PHF20L1: variants seen among roughly 807,000 people sequenced by gnomAD.
The protein encoded by PHF20L1 is PHD finger protein 20 like 1.
In PHF20L1, 44 loss-of-function variants were observed where a neutral mutation model predicts 125.5. That is an observed-to-expected ratio of 0.35 (90% CI 0.28 to 0.45). The LOEUF (loss-of-function observed/expected upper bound fraction) is 0.45, where lower values mean the gene tolerates loss of function less well. Among genes scored for constraint, PHF20L1 ranks in the 20% least tolerant of loss-of-function variants. PHF20L1 has a pLI of 1.00. For missense variants in PHF20L1, 1,012 were observed against 1,217.2 expected (o/e 0.83, Z 2.51); for synonymous variants, 380 against 403.1 (o/e 0.94, Z 0.69).
chr8:132,786,501 T>C (rs1044973704), intron 2 of PHF20L1, among the ~76,000 whole-genome samples: 8 of 152,118 alleles, frequency 5.3e-5, no homozygotes, highest in Non-Finnish European at 5.9e-5. Flanking sequence ...GATTTTTGTA[T>C]TGTTTTATCT....
At chr8:132,821,407 G>T (rs993517564) in intron 12 of PHF20L1, among the ~76,000 whole-genome samples, 2 of 151,944 alleles carry the variant, frequency 1.3e-5, no homozygotes, top group African/African-American at 4.8e-5. Context: ...CATCTTGTCA[G>T]TTCTACCTCA....
chr8:132,830,539 TC>T (rs1169501280), intron 14 of PHF20L1, among the ~76,000 whole-genome samples: 1 of 152,062 alleles, frequency 6.6e-6, no homozygotes, highest in Non-Finnish European at 1.5e-5. Context: ...TTTTTCCCAC[TC>T]GTTTCCATCT....
chr8:132,844,108 A>T, intron 19 of PHF20L1, 48 bp from the exon 20 acceptor site: 1 of 1,606,350 alleles, frequency 6.2e-7, no homozygotes, highest in African/African-American at 1.3e-5. Flanking sequence ...CAATGACTGC[A>T]TTTCATCCCG....
At chr8:132,777,992 T>C in intron 2 of PHF20L1, 81 bp downstream of exon 2, 1 of 847,008 alleles carries the variant, frequency 1.2e-6, no homozygotes, top group Non-Finnish European at 2.0e-6. Flanking sequence ...TAAATTCCAC[T>C]GATGGTAGCA....
In PHF20L1 at chr8:132,846,110, A is replaced by C. The variant is rs1016527432; in HGVS notation, c.*187A>C. 6 of 509,564 alleles carry C rather than the reference A, an allele frequency of 1.2e-5. No homozygotes were observed. Among genetic ancestry groups the C allele is most frequent in the Non-Finnish European group, 2.1e-5 (6 of 285,778 alleles). The allele number at this position is 509,564 out of a possible 1,614,324, so 31.6% of individuals were successfully genotyped here. ...AACTTTATCAAGGAAGCTAGTATTT[A>C]AAAACAAATTCATGAGCAAGCTGCA... On this transcript the variant is annotated 3_prime_UTR_variant, in exon 21 of 21. Coordinates refer to ENST00000395386, the MANE Select transcript of PHF20L1 (RefSeq NM_016018.5).
intron 20 of PHF20L1, 63 bp downstream of exon 20, chr8:132,844,381 T>C: frequency 3.0e-6 from 4 of 1,338,356 alleles, no homozygotes; most frequent in Non-Finnish European, 4.1e-6. Flanking sequence ...ATGAAGAAGT[T>C]ACTTAAAATT....
intron 12 of PHF20L1, chr8:132,818,315 T>G (rs1010616431): frequency 1.3e-5 from 2 of 151,938 alleles, no homozygotes; most frequent in African/African-American, 4.8e-5. Context: ...GAAGGAAGTC[T>G]GAATTTAGTT....
In PHF20L1 at chr8:132,839,384, C is replaced by T. The variant is rs1245014886; in HGVS notation, c.2192-3C>T. On this transcript the variant is annotated splice_polypyrimidine_tract_variant and splice_region_variant and intron_variant, in intron 17 of 20. Coordinates refer to ENST00000395386, the MANE Select transcript of PHF20L1 (RefSeq NM_016018.5). ...TGTGATTTAATATCAACTTCATCTG[C>T]AGGTCAGAGGTGGAGTGCAAAATAT... 1 of 1,605,100 alleles carries T rather than the reference C, an allele frequency of 6.2e-7. No individual in the cohort carries two copies. The highest frequency in any genetic ancestry group is 1.3e-5 in the African/African-American group (1 of 74,798).
intron 5 of PHF20L1, 98 bp downstream of exon 5, chr8:132,798,958 A>G: frequency 2.8e-6 from 3 of 1,059,752 alleles, no homozygotes; most frequent in Non-Finnish European, 4.2e-6. Context: ...AAAATGAACT[A>G]ATTGTAGGGT....
chr8:132,838,411 T>A (rs542853158), intron 17 of PHF20L1: 2 of 153,054 alleles, frequency 1.3e-5, no homozygotes, highest in East Asian at 3.9e-4. Flanking sequence ...CTACCTGTGA[T>A]GCCTTTATTT....
chr8:132,836,194 T>TTTA (rs1463955111), intron 15 of PHF20L1, among the ~76,000 whole-genome samples: 4 of 152,068 alleles, frequency 2.6e-5, no homozygotes, highest in Admixed American at 2.6e-4. Flanking sequence ...ACACAGGGTT[T>TTTA]TTATGAGGGT....
At chr8:132,809,469 A>G (rs1051427603) in intron 8 of PHF20L1, 3 of 152,102 alleles carry the variant, frequency 2.0e-5, no homozygotes, top group African/African-American at 4.8e-5. Flanking sequence ...GCTGGGCCCA[A>G]GAATATAATT....
Position 132,811,144 on chromosome 8 carries a change from A to C in PHF20L1, c.930+16A>C. The C allele has an allele frequency of 6.2e-7, 1 of 1,611,920 alleles. No individual in the cohort carries two copies. Among genetic ancestry groups the C allele is most frequent in the Non-Finnish European group, 8.5e-7 (1 of 1,178,240 alleles). On this transcript the variant is annotated intron_variant, in intron 9 of 20. Coordinates refer to ENST00000395386, the MANE Select transcript of PHF20L1 (RefSeq NM_016018.5). ...GCTGGAGCAGGTATGAAATGGTAGC[A>C]TTTGATTTTTTTCAAGGTTCCCACT...
chr8:132,824,125 C>A, intron 13 of PHF20L1, 65 bp downstream of exon 13: 1 of 973,148 alleles, frequency 1.0e-6, no homozygotes, highest in South Asian at 1.4e-5. Context: ...AGGACATAGT[C>A]TGCCCCTTAC....
intron 12 of PHF20L1, among the ~76,000 whole-genome samples, chr8:132,823,734 T>A (rs1835850783): frequency 6.6e-6 from 1 of 151,944 alleles, no homozygotes; most frequent in African/African-American, 2.4e-5. Context: ...TTAAATGATG[T>A]CCTCAAGGCC....
intron 14 of PHF20L1, among the ~76,000 whole-genome samples, chr8:132,829,673 C>G (rs1170235170): frequency 6.6e-6 from 1 of 152,014 alleles, no homozygotes; most frequent in East Asian, 1.9e-4. Context: ...AGCTTGCCAG[C>G]TTGTGCACCC....
intron 14 of PHF20L1, among the ~76,000 whole-genome samples, chr8:132,829,511 T>A (rs1332266467): frequency 1.3e-5 from 2 of 152,022 alleles, no homozygotes; most frequent in Non-Finnish European, 2.9e-5. Context: ...AGTAATATGG[T>A]GTTGGGCAAA....
intron 12 of PHF20L1, chr8:132,818,641 A>G (rs1392773034): frequency 6.6e-6 from 1 of 151,814 alleles, no homozygotes; most frequent in African/African-American, 2.4e-5. Flanking sequence ...ATTTTGAAAC[A>G]TTTCCTGTAG....
At chr8:132,799,197 T>C in intron 6 of PHF20L1, 25 bp downstream of exon 6, 1 of 1,500,356 alleles carries the variant, frequency 6.7e-7, no homozygotes, top group Non-Finnish European at 9.2e-7. Context: ...TTTAAAAATT[T>C]TGTTTTGTTT....
Sources: allele counts gnomAD v4.1 joint callset (sites outside exome capture counted in the v4.1 genomes callset), GRCh38; gene constraint gnomAD v4.1.1; transcripts MANE v1.5; gene names NCBI Gene and HGNC (gene_info 2026-07-23, HGNC 2026-07-21).